Variants in SIPA1L3 observed in about 807,000 individuals in gnomAD.
The protein encoded by SIPA1L3 is signal induced proliferation associated 1 like 3.
SIPA1L3 carries 59 observed loss-of-function variants against 150.1 expected under a neutral mutation model. The observed-to-expected ratio is 0.39, with a 90% CI of 0.32 to 0.49. SIPA1L3 has a LOEUF of 0.49. Ranked by LOEUF, SIPA1L3 falls within the 20% of genes least tolerant of loss-of-function variation. SIPA1L3 has a pLI of 0.86. For synonymous variants in SIPA1L3, 1,070 were observed against 1,077.6 expected (o/e 0.99, Z 0.14); for missense variants, 2,211 against 2,489.5 (o/e 0.89, Z 2.38).
intron 1 of SIPA1L3, among the ~76,000 whole-genome samples, chr19:37,969,361 G>T (rs1376713256): frequency 6.6e-6 from 1 of 152,218 alleles, no homozygotes; most frequent in African/African-American, 2.4e-5. Context: ...AGACCAGCCT[G>T]ACCAACTTGG....
chr19:37,999,963 T>C (rs994741608), intron 1 of SIPA1L3, among the ~76,000 whole-genome samples: 1 of 152,216 alleles, frequency 6.6e-6, no homozygotes, highest in African/African-American at 2.4e-5. Context: ...CTAACACTTG[T>C]GACCTTGAGA....
intron 2 of SIPA1L3, among the ~76,000 whole-genome samples, chr19:38,040,107 T>C (rs1968881484): frequency 6.6e-6 from 1 of 152,176 alleles, no homozygotes; most frequent in Non-Finnish European, 1.5e-5. Context: ...AGGGAGACCC[T>C]GTCTCAAGGA....
intron 1 of SIPA1L3, among the ~76,000 whole-genome samples, chr19:37,936,263 G>T (rs2046599335): frequency 6.6e-6 from 1 of 152,186 alleles, no homozygotes; most frequent in Non-Finnish European, 1.5e-5. Context: ...TGAGCAAAGG[G>T]TCAATAAGGA....
chr19:37,971,522 T>C (rs767503362), intron 1 of SIPA1L3, among the ~76,000 whole-genome samples: 11 of 151,796 alleles, frequency 7.2e-5, no homozygotes, highest in Non-Finnish European at 1.5e-4. Context: ...GCAGTATCCA[T>C]TTCTGTCTGG....
intron 2 of SIPA1L3, among the ~76,000 whole-genome samples, chr19:38,044,008 G>T (rs1033939139): frequency 6.6e-6 from 1 of 152,214 alleles, no homozygotes; most frequent in Non-Finnish European, 1.5e-5. Flanking sequence ...GCCTGTGGGG[G>T]TGTGAAGGAG....
chr19:37,948,226 C>T lies in SIPA1L3; in HGVS notation c.-379+40868C>T, dbSNP rs772443474. 2.5e-4 allele frequency among the ~76,000 whole-genome samples: 38 copies of T among 152,178 alleles called. 1 individual carries two copies. The highest frequency in any genetic ancestry group is 1.0e-4 in the Non-Finnish European group (7 of 68,022). On this transcript the variant is annotated intron_variant, in intron 1 of 21. Coordinates refer to ENST00000222345, the MANE Select transcript of SIPA1L3 (RefSeq NM_015073.3). ...TAATTCATCCTGGGGGAAAAAACCT[C>T]ACAGTGGATTAAATTGGTTTATGTA...
At chr19:38,205,951 G>A in intron 21 of SIPA1L3, 146 bp from the exon 22 acceptor site, 1 of 898,908 alleles carries the variant, frequency 1.1e-6, no homozygotes, top group South Asian at 1.9e-5. Context: ...GAGAGGCAGA[G>A]TGGGATGTGT....
At position 38,192,210 on chromosome 19, in the gene SIPA1L3, T is replaced by C. The variant is rs755406575; in HGVS notation, c.4496T>C (p.Leu1499Pro). 48 of 1,613,540 alleles carry C rather than the reference T, an allele frequency of 3.0e-5. No homozygotes were observed. The highest frequency in any genetic ancestry group is 4.1e-5 in the Non-Finnish European group (48 of 1,179,818). The change falls in exon 17 of 22, where the codon CTC becomes CCC. Residue 1499 changes from leucine (L) to proline (P), a missense_variant. By Grantham distance (98) the Leu-to-Pro change is moderately conservative. Transcript: ENST00000222345. Reference sequence around the variant, plus strand: ...AGGTTGAGGGCATCCCTCCGAGACCTCCGGTCACCACGGAAGAACTACAAA... The same window carrying C: ...AGGTTGAGGGCATCCCTCCGAGACCCCCGGTCACCACGGAAGAACTACAAA... The part of the protein sequence containing the change: ...QPRLRASLRD[L>P]RSPRKNYKST...
In SIPA1L3 at chr19:38,182,695, C is replaced by T. The variant is rs762175786; in HGVS notation, c.4385C>T (p.Thr1462Met). 73 of 1,613,936 alleles carry T rather than the reference C, an allele frequency of 4.5e-5. No individual in the cohort carries two copies. The highest frequency in any genetic ancestry group is 2.0e-4 in the Admixed American group (12 of 59,990). The change falls in exon 16 of 22, where the codon ACG becomes ATG. Residue 1462 changes from threonine (T) to methionine (M), a missense_variant. Around this residue, in one of 5 missense-constraint regions of SIPA1L3, gnomAD observed 806 missense variants for 870.1 expected, o/e 0.93. Coordinates refer to ENST00000222345, the MANE Select transcript of SIPA1L3 (RefSeq NM_015073.3). ...AAGCACCCAACAGGGTGGAAGAGAA[C>T]GGAGGAGCCCCCACCACGGCCACTC... Reference protein sequence around the residue: ...RNKHPTGWKRTEEPPPRPLPF... With the variant: ...RNKHPTGWKRMEEPPPRPLPF...
chr19:38,178,100 T>G (rs966000299), intron 15 of SIPA1L3, among the ~76,000 whole-genome samples: 78 of 98,926 alleles, frequency 7.9e-4, no homozygotes, highest in African/African-American at 3.6e-3. Context: ...TGTGTGTGTG[T>G]GTGTGTGTGT....
intron 1 of SIPA1L3, among the ~76,000 whole-genome samples, chr19:37,917,817 C>T (rs2046425488): frequency 6.6e-6 from 1 of 151,982 alleles, no homozygotes; most frequent in Admixed American, 6.6e-5. Context: ...CCAGCCTGGA[C>T]AACAAAGCAA....
intron 15 of SIPA1L3, among the ~76,000 whole-genome samples, chr19:38,180,326 G>T (rs1972527290): frequency 6.7e-6 from 1 of 150,210 alleles, no homozygotes; most frequent in African/African-American, 2.4e-5. Flanking sequence ...AATTAATTGT[G>T]TTTTTTTTTC....
At chr19:38,138,238 T>C (rs1423552071) in intron 10 of SIPA1L3, among the ~76,000 whole-genome samples, 1 of 152,146 alleles carries the variant, frequency 6.6e-6, no homozygotes. Context: ...TCCATGGTGG[T>C]TAAAGTTGTG....
Position 38,000,909 on chromosome 19 carries a change from TAAC to T in SIPA1L3, c.-378-28178_-378-28176del, listed in dbSNP as rs1332481551. On this transcript the variant is annotated intron_variant, in intron 1 of 21. Transcript: ENST00000222345. ...TATATATATGTTATATATATATATA[TAAC>T]ATATATATAACATATATATAACATA... Among the ~76,000 whole-genome samples, 7 of 35,480 alleles carry T rather than the reference TAAC, an allele frequency of 2.0e-4. 1 individual carries two copies. The highest frequency in any genetic ancestry group is 7.3e-4 in the African/African-American group (5 of 6,830). 23.3% of individuals were successfully genotyped at this position (35,480 alleles called of 152,430 possible).
chr19:38,126,688 C>T (rs1176346324), intron 9 of SIPA1L3, among the ~76,000 whole-genome samples: 1 of 151,914 alleles, frequency 6.6e-6, no homozygotes, highest in Non-Finnish European at 1.5e-5. Context: ...AGATGTGCAC[C>T]ACCATGCCCA....
In SIPA1L3 at chr19:38,082,689, C is replaced by T; in HGVS notation, c.1124C>T (p.Ala375Val). ...AACACCACCACGGGTGCTTCGGCCGCTTCCGCCGCCTCGGCCATGGCCTCC... is the reference window on the plus strand; with the variant it reads ...AACACCACCACGGGTGCTTCGGCCGTTTCCGCCGCCTCGGCCATGGCCTCC... The part of the protein sequence containing the change: ...RRNTTTGASA[A>V]SAASAMASLT... The change falls in exon 3 of 22, where the codon GCT becomes GTT. Residue 375 changes from alanine to valine, a missense_variant. By Grantham distance (64) the Ala-to-Val change is moderately conservative. Transcript: ENST00000222345. 6.2e-7 allele frequency: 1 copy of T among 1,609,564 alleles called. No homozygotes were observed. The highest frequency in any genetic ancestry group is 8.5e-7 in the Non-Finnish European group (1 of 1,178,932).
intron 8 of SIPA1L3, among the ~76,000 whole-genome samples, chr19:38,117,249 T>G (rs1970908071): frequency 6.6e-6 from 1 of 152,184 alleles, no homozygotes; most frequent in East Asian, 1.9e-4. Flanking sequence ...TGGCTGGAGC[T>G]GGCTGGCTGC....
intron 1 of SIPA1L3, among the ~76,000 whole-genome samples, chr19:38,026,801 T>C (rs139731204): frequency 2.3e-3 from 343 of 152,336 alleles, no homozygotes; most frequent in African/African-American, 8.0e-3. Context: ...ACCCTGTAAC[T>C]GAAATTAACA....
chr19:38,088,155 A>G (rs982875845), intron 3 of SIPA1L3, among the ~76,000 whole-genome samples: 1 of 152,272 alleles, frequency 6.6e-6, no homozygotes, highest in African/African-American at 2.4e-5. Flanking sequence ...TCATGTGCGT[A>G]CTATGTGCCT....
Sources: gnomAD v4.1 joint callset for allele counts (sites outside exome capture counted in the v4.1 genomes callset) on GRCh38, gnomAD v4.1.1 for gene constraint, gnomAD v4.1.1 regional missense constraint, MANE v1.5 for transcripts, NCBI Gene and HGNC (gene_info 2026-07-23, HGNC 2026-07-21) for gene names.